The following CERS6 variants were observed in gnomAD, a reference collection of about 807,000 sequenced individuals.
CERS6 encodes LAG1 homolog, ceramide synthase 6.
Under a neutral mutation model 56.8 loss-of-function variants are expected in CERS6, and 26 were observed. The ratio of observed to expected loss-of-function variants is 0.46; its 90% CI spans 0.34 to 0.63. The LOEUF (loss-of-function observed/expected upper bound fraction) is 0.63. Ranked by LOEUF, CERS6 falls within the 30% of genes least tolerant of loss-of-function variation. The probability of loss-of-function intolerance (pLI) is 0.01; values close to 1 mark genes in which losing one functional copy is unlikely to be tolerated. For synonymous variants in CERS6, 164 were observed against 173.3 expected (o/e 0.95, Z 0.42); for missense variants, 415 against 467.5 (o/e 0.89, Z 1.04).
chr2:168,543,928 A>T (rs545150087), intron 1 of CERS6, among the ~76,000 whole-genome samples: 70 of 152,292 alleles, frequency 4.6e-4, no homozygotes, highest in African/African-American at 1.7e-3. Context: ...CCCTGAGTAG[A>T]TGTGGATATT....
intron 1 of CERS6, among the ~76,000 whole-genome samples, chr2:168,484,719 A>T (rs1429455077): frequency 6.6e-6 from 1 of 151,528 alleles, no homozygotes; most frequent in Non-Finnish European, 1.5e-5. Flanking sequence ...TCAGATTAGA[A>T]CAGGGGCTTT....
chr2:168,486,518 G>GTTTTTTTTTTTTTTTTTTTTTTTT (rs1491580943), intron 1 of CERS6, among the ~76,000 whole-genome samples: 44 of 136,302 alleles, frequency 3.2e-4, no homozygotes, highest in East Asian at 1.1e-3. Flanking sequence ...GTCTAGATTT[G>GTTTTTTTTTTTTTTTTTTTTTTTT]GTTTTGTTTT....
chr2:168,737,589 G>A (rs1441084628), intron 8 of CERS6, among the ~76,000 whole-genome samples: 1 of 152,158 alleles, frequency 6.6e-6, no homozygotes, highest in Non-Finnish European at 1.5e-5. Context: ...TCCAGGCAGG[G>A]ACCAAAAAGA....
At chr2:168,742,902 G>C (rs538423994) in intron 8 of CERS6, among the ~76,000 whole-genome samples, 1 of 152,272 alleles carries the variant, frequency 6.6e-6, no homozygotes, top group Non-Finnish European at 1.5e-5. Flanking sequence ...GATTATGAGT[G>C]TCCCTGAAAT....
At chr2:168,498,085 G>A (rs943151892) in intron 1 of CERS6, among the ~76,000 whole-genome samples, 4 of 152,134 alleles carry the variant, frequency 2.6e-5, no homozygotes, top group Non-Finnish European at 5.9e-5. Context: ...GAACCACAAT[G>A]TAAAACGCTG....
chr2:168,734,183 G>T (rs1026888160), intron 8 of CERS6, among the ~76,000 whole-genome samples: 3 of 152,126 alleles, frequency 2.0e-5, no homozygotes, highest in African/African-American at 7.2e-5. Flanking sequence ...GGTATAGGAG[G>T]TGTGGGCGGT....
rs771586850 is a variant in CERS6, at chr2:168,682,872, C to T, written c.466-8162C>T. Among the ~76,000 whole-genome samples, 8 of 152,120 alleles carry T rather than the reference C, an allele frequency of 5.3e-5. No individual in the cohort carries two copies. The South Asian group carries it at 8.3e-4, about 16-fold the overall frequency. On this transcript the variant is annotated intron_variant, in intron 4 of 9. Coordinates refer to ENST00000305747, the MANE Select transcript of CERS6 (RefSeq NM_203463.3). ...TACTTTCTCCAAAGCAGCTTACATCCGGGTCTTTATCTCAGTGACTCTTTC... is the reference window on the plus strand; with the variant it reads ...TACTTTCTCCAAAGCAGCTTACATCTGGGTCTTTATCTCAGTGACTCTTTC...
intron 1 of CERS6, among the ~76,000 whole-genome samples, chr2:168,498,886 AG>A (rs1014640397): frequency 1.1e-4 from 17 of 152,180 alleles, no homozygotes; most frequent in Admixed American, 2.6e-4. Context: ...GTTAGTGAGG[AG>A]GGGGTATAAT....
intron 3 of CERS6, among the ~76,000 whole-genome samples, chr2:168,562,989 T>A (rs148126027): frequency 6.6e-6 from 1 of 152,296 alleles, no homozygotes; most frequent in Non-Finnish European, 1.5e-5. Flanking sequence ...ATGCTGAAAG[T>A]CATGTGCCAT....
intron 1 of CERS6, among the ~76,000 whole-genome samples, chr2:168,463,882 CT>C (rs1693821196): frequency 6.6e-6 from 1 of 152,142 alleles, no homozygotes; most frequent in African/African-American, 2.4e-5. Flanking sequence ...GCACTCCAAT[CT>C]GGGCGCCAGA....
At chr2:168,762,017 G>A (rs1684595695) in intron 8 of CERS6, among the ~76,000 whole-genome samples, 1 of 152,070 alleles carries the variant, frequency 6.6e-6, no homozygotes, top group Non-Finnish European at 1.5e-5. Flanking sequence ...GGGGTCAGGG[G>A]CAAAGGAAGG....
chr2:168,608,081 A>C (rs1259560022), intron 3 of CERS6, among the ~76,000 whole-genome samples: 1 of 152,188 alleles, frequency 6.6e-6, no homozygotes, highest in Non-Finnish European at 1.5e-5. Context: ...AACCACCACT[A>C]ATCTATTTTC....
chr2:168,721,057 G>A (rs909540745), intron 8 of CERS6, among the ~76,000 whole-genome samples: 2 of 152,156 alleles, frequency 1.3e-5, no homozygotes. Context: ...CATTACTGAT[G>A]TATTTGTGTT....
At chr2:168,501,065 A>G (rs1216713568) in intron 1 of CERS6, among the ~76,000 whole-genome samples, 3 of 152,266 alleles carry the variant, frequency 2.0e-5, no homozygotes, top group African/African-American at 4.8e-5. Context: ...ACCAAGTGTG[A>G]TAGCCAATAG....
intron 3 of CERS6, among the ~76,000 whole-genome samples, chr2:168,575,281 AG>A (rs138756903): frequency 0.012 from 1,835 of 152,216 alleles, 30 homozygotes; most frequent in African/African-American, 0.04. Flanking sequence ...ACTGGAGACT[AG>A]GTAATTTATA....
In CERS6 at chr2:168,456,347, G is replaced by C. The variant is rs1399077205; in HGVS notation, c.-102G>C. 1 of 792,414 alleles carries C rather than the reference G, an allele frequency of 1.3e-6. No individual in the cohort carries two copies. Among genetic ancestry groups the C allele is most frequent in the South Asian group, 5.4e-5 (1 of 18,386 alleles). 49.1% of individuals were successfully genotyped at this position (792,414 alleles called of 1,614,324 possible). A position where few individuals can be genotyped will look rare whatever the true frequency, so the allele number is the denominator to read the frequency against. On this transcript the variant is annotated 5_prime_UTR_variant, in exon 1 of 10. Transcript: ENST00000305747. The surrounding 1 kb of genome is among the most constrained non-coding windows in gnomAD (Gnocchi z 4.1). The stretch of plus-strand genomic sequence containing the variant: ...GGCGGGCGGGAGCAGCGGCGGCGGC[G>C]GCACAGGCTCGGGGCCAGCCGGGCG...
chr2:168,651,042 AG>A, intron 4 of CERS6, among the ~76,000 whole-genome samples: 1 of 152,142 alleles, frequency 6.6e-6, no homozygotes, highest in Non-Finnish European at 1.5e-5. Flanking sequence ...GAAAGTTTCT[AG>A]TTATAAATGA....
chr2:168,593,393 C>T (rs754570019), intron 3 of CERS6, among the ~76,000 whole-genome samples: 5 of 152,150 alleles, frequency 3.3e-5, no homozygotes, highest in African/African-American at 4.8e-5. Flanking sequence ...TGCAAGTACT[C>T]TCAATTTGGA....
chr2:168,532,487 A>G (rs1216576537), intron 1 of CERS6, among the ~76,000 whole-genome samples: 1 of 151,344 alleles, frequency 6.6e-6, no homozygotes, highest in Admixed American at 6.6e-5. Context: ...TTTTTTTTCT[A>G]TCTGTACAGG....
Sources: allele counts gnomAD v4.1 joint callset (sites outside exome capture counted in the v4.1 genomes callset), GRCh38; gene constraint gnomAD v4.1.1; non-coding constraint Gnocchi (gnomAD v3.1); transcripts MANE v1.5; gene names NCBI Gene and HGNC (gene_info 2026-07-23, HGNC 2026-07-21).